Variants in KATNIP observed in about 807,000 individuals in gnomAD.
The protein encoded by KATNIP is katanin-interacting protein.
In KATNIP, 126 loss-of-function variants were observed where a neutral mutation model predicts 174.0. The observed-to-expected ratio is 0.72, with a 90% CI of 0.63 to 0.84. The LOEUF is 0.84. KATNIP is among the 40% of genes least tolerant of loss of function. The pLI is 0.00. For missense variants in KATNIP, 1,958 were observed against 2,109.7 expected, an observed-to-expected ratio of 0.93 and a Z score of 1.41; for synonymous variants, 810 against 835.7, an observed-to-expected ratio of 0.97 and a Z score of 0.53.
At chr16:27,663,424 A>G (rs951257293) in intron 6 of KATNIP, among the ~76,000 whole-genome samples, 6 of 150,822 alleles carry the variant, frequency 4.0e-5, no homozygotes, top group Non-Finnish European at 5.9e-5. Flanking sequence ...TCATTTATTT[A>G]TTTATTTATT....
intron 6 of KATNIP, among the ~76,000 whole-genome samples, chr16:27,676,523 C>T (rs2078122269): frequency 6.6e-6 from 1 of 152,184 alleles, no homozygotes; most frequent in Non-Finnish European, 1.5e-5. Flanking sequence ...ATTCAGCCTA[C>T]TGCAATAACT....
chr16:27,681,528 C>T lies in KATNIP; in HGVS notation c.938C>T (p.Ser313Phe), dbSNP rs748679999. The stretch of plus-strand genomic sequence containing the variant: ...TTCCCAGACCAGGAGAGGATGTGCT[C>T]CAGTAAGAGTTCCGGGGGCCCCTGA... The part of the protein sequence containing the change: ...AVFPDQERMC[S>F]RPGSRRERPL... The change falls in exon 8 of 28, where the codon TCC (serine) becomes TTC (phenylalanine). Residue 313 changes from serine (S) to phenylalanine (F), a missense_variant and splice_region_variant. Physicochemically the swap from Ser to Phe is radical, Grantham distance 155. Coordinates refer to ENST00000261588, the MANE Select transcript of KATNIP (RefSeq NM_015202.5). 5.0e-6 allele frequency: 8 copies of T among 1,614,132 alleles called. No homozygotes were observed. Among genetic ancestry groups the T allele is most frequent in the African/African-American group, 2.7e-5 (2 of 75,032 alleles).
At chr16:27,663,376 C>A (rs1214028974) in intron 6 of KATNIP, among the ~76,000 whole-genome samples, 1 of 151,624 alleles carries the variant, frequency 6.6e-6, no homozygotes, top group Non-Finnish European at 1.5e-5. Context: ...ATTTACTCTG[C>A]AAATTTTACC....
chr16:27,680,697 G>A lies in KATNIP; in HGVS notation c.809-702G>A, dbSNP rs1015391977. Reference sequence around the variant, plus strand: ...GCCAACACATCTGGCTTTTTTTGCAGAGGGAGGGTGGGGCGGGGAACGAAG... The same window carrying A: ...GCCAACACATCTGGCTTTTTTTGCAAAGGGAGGGTGGGGCGGGGAACGAAG... On this transcript the variant is annotated intron_variant, in intron 7 of 27. Transcript: ENST00000261588. Among the ~76,000 whole-genome samples the A allele has an allele frequency of 5.3e-5, 8 of 151,558 alleles. No homozygotes were observed. In the East Asian group the frequency reaches 1.6e-3, roughly 29 times the overall value.
chr16:27,762,522 G>A (rs770296157), intron 19 of KATNIP, among the ~76,000 whole-genome samples: 11 of 152,044 alleles, frequency 7.2e-5, no homozygotes, highest in Non-Finnish European at 4.4e-5. Flanking sequence ...TGATTGGAAC[G>A]CAGGCCTGTG....
chr16:27,566,482 G>C (rs1264099916), intron 1 of KATNIP, among the ~76,000 whole-genome samples: 1 of 151,636 alleles, frequency 6.6e-6, no homozygotes, highest in East Asian at 1.9e-4. Context: ...GTTGCAGTGA[G>C]CCAAGATTGT....
intron 18 of KATNIP, 99 bp downstream of exon 18, chr16:27,754,350 G>T: frequency 2.0e-6 from 2 of 1,017,142 alleles, no homozygotes; most frequent in East Asian, 5.1e-5. Flanking sequence ...GGACAATCGG[G>T]TGGGTTGGAC....
chr16:27,621,283 TA>T (rs1269212008), intron 3 of KATNIP, among the ~76,000 whole-genome samples: 61 of 143,132 alleles, frequency 4.3e-4, no homozygotes, highest in Non-Finnish European at 4.2e-4. Flanking sequence ...ACACTGTCTC[TA>T]AAAAAAAAAA....
chr16:27,571,448 G>GAA (rs761147324), intron 1 of KATNIP, among the ~76,000 whole-genome samples: 2,458 of 139,060 alleles, frequency 0.018, 66 homozygotes, highest in African/African-American at 0.06. Context: ...AACTCTTAAA[G>GAA]AAAAAAAAAA....
rs763475931 is a variant in KATNIP at position 27,761,596 on chromosome 16, T to G, written c.3809+6T>G. On this transcript the variant is annotated splice_donor_region_variant and intron_variant, in intron 19 of 27. Coordinates refer to ENST00000261588, the MANE Select transcript of KATNIP (RefSeq NM_015202.5). ...GACTCCCGGGCCCTGGACAAGTAAG[T>G]GTCTATCAGAAGCTTTACTTTCATG... 6.2e-7 allele frequency: 1 copy of G among 1,610,418 alleles called. No homozygotes were observed. Among genetic ancestry groups the G allele is most frequent in the Non-Finnish European group, 8.5e-7 (1 of 1,177,032 alleles).
intron 2 of KATNIP, among the ~76,000 whole-genome samples, chr16:27,584,752 C>CCA (rs923464106): frequency 6.6e-6 from 1 of 151,978 alleles, no homozygotes; most frequent in African/African-American, 2.4e-5. Flanking sequence ...GATTGTGCCA[C>CCA]CACACTCCAG....
chr16:27,704,618 C>G (rs534891851), intron 12 of KATNIP, among the ~76,000 whole-genome samples: 1 of 152,230 alleles, frequency 6.6e-6, no homozygotes, highest in South Asian at 2.1e-4. Context: ...ACCTAAATGT[C>G]TCATAACAAT....
chr16:27,733,564 G>GACACACAC (rs10558929), intron 14 of KATNIP, among the ~76,000 whole-genome samples: 34 of 143,382 alleles, frequency 2.4e-4, no homozygotes, highest in South Asian at 7.0e-4. Flanking sequence ...AAACAAGAAG[G>GACACACAC]ACACACACAC....
chr16:27,692,320 G>C (rs2078762509), intron 8 of KATNIP, among the ~76,000 whole-genome samples: 1 of 152,216 alleles, frequency 6.6e-6, no homozygotes, highest in South Asian at 2.1e-4. Flanking sequence ...ATGATGGAGA[G>C]AACCATGTGG....
At chr16:27,744,421 G>A (rs902670083) in intron 15 of KATNIP, among the ~76,000 whole-genome samples, 5 of 152,154 alleles carry the variant, frequency 3.3e-5, no homozygotes, top group East Asian at 1.9e-4. Context: ...CCAGCTATTC[G>A]GGAGGCTGAG....
In KATNIP at chr16:27,761,327, C is replaced by T. The variant is rs1258910686; in HGVS notation, c.3632-86C>T. The stretch of plus-strand genomic sequence containing the variant: ...GTTGAAGTTGCTAGAATATAGAGGC[C>T]GAATAGCATTCCTCTTCCTGTCTTC... On this transcript the variant is annotated intron_variant, in intron 18 of 27. Transcript: ENST00000261588. The T allele has an allele frequency of 5.8e-6, 8 of 1,373,606 alleles. No homozygotes were observed. The South Asian group carries it at 6.9e-5, about 12-fold the overall frequency. 85.1% of individuals were successfully genotyped at this position (1,373,606 alleles called of 1,614,324 possible). A position where few individuals can be genotyped will look rare whatever the true frequency, so the allele number is the denominator to read the frequency against.
chr16:27,650,267 C>T (rs1203314754), intron 6 of KATNIP, among the ~76,000 whole-genome samples: 5 of 151,590 alleles, frequency 3.3e-5, no homozygotes, highest in Non-Finnish European at 7.4e-5. Context: ...CAGGCTTGTT[C>T]AAGGAGCAGG....
chr16:27,661,670 G>A lies in KATNIP; in HGVS notation c.540+12935G>A, dbSNP rs1040449904. On this transcript the variant is annotated intron_variant, in intron 6 of 27. Transcript: ENST00000261588. ...GGCCTCCCAAAGTGCTGGGATTACA[G>A]GCGTGAGCCACTGCGCCCGGCCTGG... Among the ~76,000 whole-genome samples, 5 of 151,804 alleles carry A rather than the reference G, an allele frequency of 3.3e-5. No homozygotes were observed. In the East Asian group the frequency reaches 7.8e-4, roughly 24 times the overall value.
At chr16:27,567,594 A>T (rs1290159429) in intron 1 of KATNIP, among the ~76,000 whole-genome samples, 1 of 151,960 alleles carries the variant, frequency 6.6e-6, no homozygotes, top group Non-Finnish European at 1.5e-5. Flanking sequence ...CACGATCTTG[A>T]CTCACTGCAA....
Sources: allele counts gnomAD v4.1 joint callset (sites outside exome capture counted in the v4.1 genomes callset), GRCh38; gene constraint gnomAD v4.1.1; transcripts MANE v1.5; gene names NCBI Gene and HGNC (gene_info 2026-07-23, HGNC 2026-07-21).